Variants in KCNAB1 observed in about 807,000 individuals in gnomAD.
KCNAB1 encodes the protein voltage-gated potassium channel subunit beta-1.
In KCNAB1, 35 loss-of-function variants were observed where a neutral mutation model predicts 64.6. The ratio of observed to expected loss-of-function variants is 0.54; its 90% CI spans 0.41 to 0.72. The LOEUF (loss-of-function observed/expected upper bound fraction) is 0.72. Among genes scored for constraint, KCNAB1 ranks in the 30% least tolerant of loss-of-function variants. KCNAB1 has a pLI of 0.00. For missense variants in KCNAB1, 401 were observed against 512.9 expected, an observed-to-expected ratio of 0.78 and a Z score of 2.11; for synonymous variants, 177 against 183.8, an observed-to-expected ratio of 0.96 and a Z score of 0.30.
At position 156,356,132 on chromosome 3, in the gene KCNAB1, A is replaced by G. The variant is rs979036005; in HGVS notation, c.276-65484A>G. Among the ~76,000 whole-genome samples, 38 of 150,844 alleles carry G rather than the reference A, an allele frequency of 2.5e-4. No individual in the cohort carries two copies. The East Asian group carries it at 2.7e-3, about 11-fold the overall frequency. On this transcript the variant is annotated intron_variant, in intron 1 of 13. Transcript: ENST00000490337. ...GTGGGACCCTGTAAAAAAAAAAAAA[A>G]AAAGAAAGAAAAGAAAAGAAAGAGA...
chr3:156,483,424 C>A (rs959324204), intron 8 of KCNAB1, among the ~76,000 whole-genome samples: 1 of 151,988 alleles, frequency 6.6e-6, no homozygotes, highest in Non-Finnish European at 1.5e-5. Context: ...TGTTTGATGT[C>A]GTATGCATAT....
At chr3:156,216,157 G>T (rs544402496) in intron 1 of KCNAB1, among the ~76,000 whole-genome samples, 45 of 152,302 alleles carry the variant, frequency 3.0e-4, no homozygotes, top group Non-Finnish European at 8.8e-5. Context: ...ATACGTTAAT[G>T]AAATAGAATC....
chr3:156,379,610 C>T (rs1712000070), intron 1 of KCNAB1, among the ~76,000 whole-genome samples: 1 of 152,046 alleles, frequency 6.6e-6, no homozygotes, highest in Non-Finnish European at 1.5e-5. Flanking sequence ...CAAGGGGGCC[C>T]CTGTGGAACC....
At chr3:156,538,597 TCAATCTTA>T (rs138654968) in exon 14 of KCNAB1, 1 of 152,396 alleles carries the variant, frequency 6.6e-6, no homozygotes, top group African/African-American at 2.4e-5. Context: ...TTTTGTGCAT[TCAATCTTA>T]CAATAGATTT....
chr3:156,363,466 G>T (rs1427004099), intron 1 of KCNAB1, among the ~76,000 whole-genome samples: 3 of 147,644 alleles, frequency 2.0e-5, no homozygotes, highest in Non-Finnish European at 3.0e-5. Context: ...TGCAAATTCT[G>T]CACTTTGGCA....
At chr3:156,483,914 C>G (rs1420950110) in intron 8 of KCNAB1, among the ~76,000 whole-genome samples, 1 of 152,122 alleles carries the variant, frequency 6.6e-6, no homozygotes, top group Non-Finnish European at 1.5e-5. Context: ...TTTACTAGAA[C>G]TACTGAGAAG....
chr3:156,157,575 T>C (rs1012365320), intron 1 of KCNAB1, among the ~76,000 whole-genome samples: 1 of 152,254 alleles, frequency 6.6e-6, no homozygotes, highest in Non-Finnish European at 1.5e-5. Flanking sequence ...CTTTATAGGT[T>C]ATAAAATTGC....
chr3:156,215,337 C>T (rs1309208332), intron 1 of KCNAB1, among the ~76,000 whole-genome samples: 1 of 152,198 alleles, frequency 6.6e-6, no homozygotes, highest in Non-Finnish European at 1.5e-5. Flanking sequence ...ATGTAATGAC[C>T]TCCTAGTATG....
At chr3:156,253,940 T>G (rs1717966152) in intron 1 of KCNAB1, among the ~76,000 whole-genome samples, 1 of 152,218 alleles carries the variant, frequency 6.6e-6, no homozygotes, top group Non-Finnish European at 1.5e-5. Flanking sequence ...GGGTATATGA[T>G]GCATTTCTGG....
intron 1 of KCNAB1, among the ~76,000 whole-genome samples, chr3:156,320,580 A>C (rs773373067): frequency 2.0e-5 from 3 of 152,136 alleles, no homozygotes; most frequent in Admixed American, 6.5e-5. Context: ...AAAATCTAGA[A>C]AGTGGGAGGC....
rs559033882 is a variant in KCNAB1 at position 156,198,733 on chromosome 3, A to G, written c.275+77847A>G. Reference sequence around the variant, plus strand: ...TGGGTCTCCTGAATACGGCACACCAATGGGTCTTGACTCTATCCAATTTGC... The same window carrying G: ...TGGGTCTCCTGAATACGGCACACCAGTGGGTCTTGACTCTATCCAATTTGC... On this transcript the variant is annotated intron_variant, in intron 1 of 13. Transcript: ENST00000490337. Among the ~76,000 whole-genome samples, 355 of 58,022 alleles carry G rather than the reference A, an allele frequency of 6.1e-3. 4 individuals are homozygous for G. Among genetic ancestry groups the G allele is most frequent in the African/African-American group, 0.024 (332 of 13,802 alleles). 38.1% of individuals were successfully genotyped at this position (58,022 alleles called of 152,430 possible). A position where few individuals can be genotyped will look rare whatever the true frequency, so the allele number is the denominator to read the frequency against.
chr3:156,414,510 G>A (rs543599740), intron 1 of KCNAB1, among the ~76,000 whole-genome samples: 10 of 152,272 alleles, frequency 6.6e-5, no homozygotes, highest in African/African-American at 2.4e-4. Context: ...CAACTTTGAA[G>A]TGATACAAAA....
chr3:156,213,294 C>A (rs1024241070), intron 1 of KCNAB1, among the ~76,000 whole-genome samples: 8 of 151,380 alleles, frequency 5.3e-5, no homozygotes, highest in Non-Finnish European at 1.0e-4. Context: ...TCATGGCTCA[C>A]TGCAGCCTCA....
chr3:156,209,680 T>C (rs531217910), intron 1 of KCNAB1, among the ~76,000 whole-genome samples: 7 of 152,322 alleles, frequency 4.6e-5, no homozygotes, highest in Non-Finnish European at 1.0e-4. Context: ...AATTCCACCA[T>C]AGCACAGAGG....
intron 8 of KCNAB1, among the ~76,000 whole-genome samples, chr3:156,507,339 C>T (rs1716890951): frequency 1.3e-5 from 2 of 152,146 alleles, no homozygotes; most frequent in Non-Finnish European, 2.9e-5. Context: ...AGGTTAGTGA[C>T]TGTGATGGGA....
intron 1 of KCNAB1, among the ~76,000 whole-genome samples, chr3:156,198,038 G>T (rs1714068223): frequency 6.6e-6 from 1 of 152,076 alleles, no homozygotes; most frequent in Non-Finnish European, 1.5e-5. Flanking sequence ...CCTTGATTTT[G>T]TTATTTACCC....
intron 2 of KCNAB1, among the ~76,000 whole-genome samples, chr3:156,432,885 C>T (rs547248534): frequency 3.0e-4 from 45 of 152,264 alleles, no homozygotes; most frequent in Middle Eastern, 6.8e-3. Context: ...CCACCATTCT[C>T]AGGGCAAAAG....
chr3:156,173,032 G>A (rs1382398989), intron 1 of KCNAB1, among the ~76,000 whole-genome samples: 7 of 152,294 alleles, frequency 4.6e-5, no homozygotes, highest in African/African-American at 1.7e-4. Flanking sequence ...AGACATGTAA[G>A]GCTCATTGAA....
At chr3:156,310,166 A>G (rs1478335718) in intron 1 of KCNAB1, among the ~76,000 whole-genome samples, 4 of 152,274 alleles carry the variant, frequency 2.6e-5, no homozygotes, top group Middle Eastern at 3.4e-3. Context: ...TCCTCCTCAA[A>G]AAAATGGGGT....
Sources: gnomAD v4.1 joint callset for allele counts (sites outside exome capture counted in the v4.1 genomes callset) on GRCh38, gnomAD v4.1.1 for gene constraint, MANE v1.5 for transcripts, NCBI Gene and HGNC (gene_info 2026-07-23, HGNC 2026-07-21) for gene names.